Variants in SND1 observed in about 807,000 individuals in gnomAD.
SND1 encodes staphylococcal nuclease domain-containing protein 1.
In SND1, 38 loss-of-function variants were observed where a neutral mutation model predicts 121.7. The observed-to-expected ratio is 0.31, with a 90% CI of 0.24 to 0.41. The LOEUF (loss-of-function observed/expected upper bound fraction) is 0.41, where lower values mean the gene tolerates loss of function less well. Ranked by LOEUF, SND1 falls within the 10% of genes least tolerant of loss-of-function variation. The pLI, the probability that SND1 is intolerant of heterozygous loss-of-function variation, is 1.00. For missense variants in SND1, 868 were observed against 1,184.6 expected, an observed-to-expected ratio of 0.73 and a Z score of 3.92; for synonymous variants, 401 against 447.4, an observed-to-expected ratio of 0.90 and a Z score of 1.31.
At chr7:127,676,717 G>T (rs1408200976) in intron 1 of SND1, among the ~76,000 whole-genome samples, 1 of 152,156 alleles carries the variant, frequency 6.6e-6, no homozygotes, top group East Asian at 1.9e-4. Flanking sequence ...AGTGGTGAGA[G>T]AATTTCTGTG....
chr7:127,991,640 G>A (rs1158025727), intron 16 of SND1, among the ~76,000 whole-genome samples: 1 of 152,114 alleles, frequency 6.6e-6, no homozygotes, highest in East Asian at 1.9e-4. Flanking sequence ...TGCTAGGTGG[G>A]CACAAGAAAG....
At chr7:127,881,753 GTTT>G (rs1186918385) in intron 12 of SND1, among the ~76,000 whole-genome samples, 1 of 151,982 alleles carries the variant, frequency 6.6e-6, no homozygotes, top group East Asian at 1.9e-4. Flanking sequence ...AATTTTTTTT[GTTT>G]TTGAGACAGT....
chr7:127,910,163 G>A (rs1031659973), intron 14 of SND1, among the ~76,000 whole-genome samples: 8 of 152,188 alleles, frequency 5.3e-5, no homozygotes, highest in African/African-American at 1.9e-4. Flanking sequence ...AAAAAGCCCA[G>A]GCACGGTGGC....
At chr7:127,680,979 C>T (rs572982139) in intron 1 of SND1, among the ~76,000 whole-genome samples, 2 of 152,288 alleles carry the variant, frequency 1.3e-5, no homozygotes, top group East Asian at 3.9e-4. Flanking sequence ...TCTGCCATGG[C>T]TTCAGCTGGT....
At chr7:127,991,285 A>G (rs562587581) in intron 16 of SND1, among the ~76,000 whole-genome samples, 1 of 152,214 alleles carries the variant, frequency 6.6e-6, no homozygotes, top group South Asian at 2.1e-4. Context: ...GGTGGACACC[A>G]GGCCAGCCCA....
At chr7:127,888,617 A>G (rs903125933) in intron 13 of SND1, among the ~76,000 whole-genome samples, 1 of 152,038 alleles carries the variant, frequency 6.6e-6, no homozygotes, top group African/African-American at 2.4e-5. Context: ...TCATCCCTCA[A>G]GGCTCTTACT....
intron 14 of SND1, among the ~76,000 whole-genome samples, chr7:127,908,618 T>C (rs1163123305): frequency 6.6e-6 from 1 of 152,152 alleles, no homozygotes; most frequent in Non-Finnish European, 1.5e-5. Context: ...ACCGACTTGG[T>C]ACTAGGTCTT....
chr7:127,652,230 C>A lies in SND1; in HGVS notation c.-144C>A. 1.4e-6 allele frequency: 1 copy of A among 724,614 alleles called. No individual in the cohort carries two copies. The highest frequency in any genetic ancestry group is 2.7e-5 in the East Asian group (1 of 36,804). 44.9% of individuals were successfully genotyped at this position (724,614 alleles called of 1,614,324 possible). A position where few individuals can be genotyped will look rare whatever the true frequency, so the allele number is the denominator to read the frequency against. On this transcript the variant is annotated 5_prime_UTR_variant, in exon 1 of 24. Transcript: ENST00000354725. ...CGTGTCCCGCTGCTGCTCCTGTGAG[C>A]GCCCGGCGAGTCCGTCCCGTCCACC...
intron 8 of SND1, among the ~76,000 whole-genome samples, chr7:127,705,579 ATGCAGATGTAGATGTAG>A (rs1796174784): frequency 6.3e-4 from 1 of 1,576 alleles, no homozygotes; most frequent in Non-Finnish European, 7.7e-3. Flanking sequence ...CAAGATGTAG[ATGCAGATGTAGATGTAG>A]ATGTAGATGT....
At chr7:127,841,390 T>A (rs1045830792) in intron 11 of SND1, among the ~76,000 whole-genome samples, 1 of 152,186 alleles carries the variant, frequency 6.6e-6, no homozygotes, top group Non-Finnish European at 1.5e-5. Context: ...TCCACATATT[T>A]ATTAACTTCC....
At chr7:127,820,092 A>G (rs1385215540) in intron 11 of SND1, among the ~76,000 whole-genome samples, 1 of 152,222 alleles carries the variant, frequency 6.6e-6, no homozygotes, top group African/African-American at 2.4e-5. Context: ...TTACCAGGTT[A>G]GGGTCAAAGC....
intron 16 of SND1, among the ~76,000 whole-genome samples, chr7:128,034,778 CCTA>C (rs770613575): frequency 4.7e-4 from 71 of 152,330 alleles, no homozygotes; most frequent in Non-Finnish European, 7.3e-4. Context: ...CACCACTGAA[CCTA>C]CTAACTGGAC....
At chr7:127,814,302 A>C (rs189827515) in intron 11 of SND1, among the ~76,000 whole-genome samples, 259 of 152,206 alleles carry the variant, frequency 1.7e-3, no homozygotes, top group African/African-American at 5.9e-3. Flanking sequence ...GGGGGTAGGG[A>C]GAGGACAGGC....
At chr7:127,854,234 CT>C (rs1330855970) in intron 12 of SND1, among the ~76,000 whole-genome samples, 5 of 152,302 alleles carry the variant, frequency 3.3e-5, no homozygotes, top group African/African-American at 9.6e-5. Context: ...AAGCGATTCT[CT>C]TGCTGAGTTC....
chr7:127,858,809 T>C (rs1799329487), intron 12 of SND1, among the ~76,000 whole-genome samples: 1 of 152,260 alleles, frequency 6.6e-6, no homozygotes, highest in African/African-American at 2.4e-5. Context: ...TTTGTTCTTA[T>C]CTAGAATGAT....
At position 127,921,000 on chromosome 7, in the gene SND1, A is replaced by G. The variant is rs548205804; in HGVS notation, c.1528-8188A>G. ...TGAATGGTTCTCACAGCATAATTTC[A>G]TATGGTTAAATTTGGGAAACTGAAA... On this transcript the variant is annotated intron_variant, in intron 14 of 23. Transcript: ENST00000354725. 3.3e-5 allele frequency among the ~76,000 whole-genome samples: 5 copies of G among 152,342 alleles called. No individual in the cohort carries two copies. The South Asian group carries it at 1.0e-3, about 32-fold the overall frequency.
intron 10 of SND1, among the ~76,000 whole-genome samples, chr7:127,722,040 A>C (rs1250902422): frequency 6.6e-6 from 1 of 152,132 alleles, no homozygotes; most frequent in Non-Finnish European, 1.5e-5. Context: ...TTTTGTAGTC[A>C]TGACAGTTAT....
At chr7:127,916,531 G>A (rs1167319577) in intron 14 of SND1, among the ~76,000 whole-genome samples, 2 of 152,150 alleles carry the variant, frequency 1.3e-5, no homozygotes, top group Non-Finnish European at 2.9e-5. Context: ...GTACCAAATT[G>A]TCCAGAGAAT....
chr7:127,759,031 G>C (rs1429711542), intron 10 of SND1, among the ~76,000 whole-genome samples: 1 of 150,660 alleles, frequency 6.6e-6, no homozygotes, highest in Non-Finnish European at 1.5e-5. Flanking sequence ...TCTGGCCTGG[G>C]CGACATAGCA....
Sources: allele counts gnomAD v4.1 joint callset (sites outside exome capture counted in the v4.1 genomes callset), GRCh38; gene constraint gnomAD v4.1.1; transcripts MANE v1.5; gene names NCBI Gene and HGNC (gene_info 2026-07-23, HGNC 2026-07-21).